The following VPS13C variants were observed in gnomAD, a reference collection of about 807,000 sequenced individuals.
VPS13C encodes the protein vacuolar protein sorting 13 homolog C, also known as intermembrane lipid transfer protein VPS13C.
A neutral mutation model predicts 456.8 loss-of-function variants in VPS13C; 358 were observed. That is an observed-to-expected ratio of 0.78 (90% CI 0.72 to 0.86). The LOEUF is 0.86. Among genes scored for constraint, VPS13C ranks in the 40% least tolerant of loss-of-function variants. The probability of loss-of-function intolerance (pLI) is 0.00; values close to 1 mark genes in which losing one functional copy is unlikely to be tolerated. For synonymous variants in VPS13C, 1,578 were observed against 1,486.7 expected, an observed-to-expected ratio of 1.06 and a Z score of -1.41; for missense variants, 4,818 against 4,385.4, an observed-to-expected ratio of 1.10 and a Z score of -2.79.
At position 61,925,354 on chromosome 15, in the gene VPS13C, T is replaced by C. The variant is rs2043813520; in HGVS notation, c.6609+102A>G. 7.1e-6 allele frequency: 4 copies of C among 565,946 alleles called. No individual in the cohort carries two copies. The South Asian group carries it at 1.3e-4, about 19-fold the overall frequency. The allele number at this position is 565,946 out of a possible 1,614,324, so 35.1% of individuals were successfully genotyped here. A position where few individuals can be genotyped will look rare whatever the true frequency, so the allele number is the denominator to read the frequency against. On this transcript the variant is annotated intron_variant, in intron 53 of 84. Coordinates refer to ENST00000644861, the MANE Select transcript of VPS13C (RefSeq NM_020821.3). ...ACTGAATATGTGACTAGCATAATGC[T>C]TGAGTTATGAGAGACATCAAAAGAT...
chr15:61,907,331 T>C lies in VPS13C; in HGVS notation c.9038A>G (p.Asp3013Gly), dbSNP rs779717979. 2.5e-6 allele frequency: 4 copies of C among 1,614,056 alleles called. No homozygotes were observed. The Admixed American group carries it at 6.7e-5, about 27-fold the overall frequency. Residue 3013 changes from aspartate to glycine, a missense_variant, in exon 66 of 85, where the codon GAT (aspartate) becomes GGT (glycine). By Grantham distance (94) the Asp-to-Gly change is moderately conservative. Around this residue, in one of 3 missense-constraint regions of VPS13C, gnomAD observed 4,552 missense variants for 4,130.6 expected, o/e 1.10. Coordinates refer to ENST00000644861, the MANE Select transcript of VPS13C (RefSeq NM_020821.3). ...TGTAAGTTTTCTGGTACCAGTAGGA[T>C]CTGCCCAGGCAAAAAGTCGAGCCTG... ...PRQARLFAWA[D>G]PTGTRKLTWT...
intron 20 of VPS13C, 186 bp downstream of exon 20, chr15:61,983,634 G>C: frequency 1.7e-6 from 1 of 576,472 alleles, no homozygotes. Flanking sequence ...AGGGAAAAAT[G>C]TATTGCATAT....
At chr15:61,990,162 T>C (rs567682157) in intron 18 of VPS13C, among the ~76,000 whole-genome samples, 1 of 152,124 alleles carries the variant, frequency 6.6e-6, no homozygotes, top group Admixed American at 6.5e-5. Context: ...ATAGAAAGAT[T>C]AAAAATATGC....
In VPS13C at chr15:62,021,434, C is replaced by T. The variant is rs569753201; in HGVS notation, c.625-896G>A. On this transcript the variant is annotated intron_variant, in intron 8 of 84. Transcript: ENST00000644861. The stretch of plus-strand genomic sequence containing the variant: ...TTTAGTCTCTATATCCAAAATCTGT[C>T]AACATTAAGTTTTTGTTGTATTTCT... 7.9e-5 allele frequency among the ~76,000 whole-genome samples: 12 copies of T among 152,036 alleles called. No individual in the cohort carries two copies. In the South Asian group the frequency reaches 2.5e-3, roughly 32 times the overall value.
rs150684345 is a variant in VPS13C at position 61,910,267 on chromosome 15, A to C, written c.8754T>G (p.Leu2918=). 7.9e-6 allele frequency: 12 copies of C among 1,527,718 alleles called. No individual in the cohort carries two copies. The highest frequency in any genetic ancestry group is 1.7e-4 in the Middle Eastern group (1 of 5,718). The allele number at this position is 1,527,718 out of a possible 1,614,324, so 94.6% of individuals were successfully genotyped here. ...CTTCACAGCCCACCACTCTCACACA[A>C]AGTTTGCCTGACAAACTTTCTGGCC... ...PFWPESLSGK[L]CVRVVGCEGS... Residue 2918 remains leucine, a synonymous_variant, in exon 64 of 85, where the codon CTT becomes CTG. Coordinates refer to ENST00000644861, the MANE Select transcript of VPS13C (RefSeq NM_020821.3).
chr15:62,046,265 T>C (rs1221378306), intron 1 of VPS13C, among the ~76,000 whole-genome samples: 1 of 151,992 alleles, frequency 6.6e-6, no homozygotes, highest in Non-Finnish European at 1.5e-5. Flanking sequence ...GTGAAAGACG[T>C]AGAGTCATAG....
At chr15:61,864,491 C>T (rs3210522) in intron 81 of VPS13C, 385,772 of 809,574 alleles carry the variant, frequency 0.48, 92,912 homozygotes, top group Admixed American at 0.59. Context: ...CATAAATATA[C>T]TGAATAAATA....
intron 45 of VPS13C, among the ~76,000 whole-genome samples, chr15:61,944,118 T>C (rs1596363692): frequency 6.6e-6 from 1 of 152,140 alleles, no homozygotes; most frequent in Admixed American, 6.5e-5. Flanking sequence ...AGAATGGCTG[T>C]TATTAAAAAG....
intron 40 of VPS13C, 115 bp from the exon 41 acceptor site, chr15:61,950,532 T>A: frequency 1.3e-6 from 1 of 788,706 alleles, no homozygotes; most frequent in South Asian, 2.0e-5. Flanking sequence ...AAAAGATATT[T>A]CCTAAAGGCA....
intron 68 of VPS13C, among the ~76,000 whole-genome samples, chr15:61,883,470 G>T (rs1896029862): frequency 6.6e-6 from 1 of 152,122 alleles, no homozygotes; most frequent in Admixed American, 6.6e-5. Context: ...TGTAACTGGT[G>T]ACAGTGCTAA....
intron 5 of VPS13C, among the ~76,000 whole-genome samples, chr15:62,030,435 G>C (rs1047842243): frequency 6.6e-6 from 1 of 151,998 alleles, no homozygotes; most frequent in East Asian, 1.9e-4. Context: ...CTTCTGCCGT[G>C]ACTGAAAGCT....
chr15:61,903,717 A>G (rs1010831926), intron 66 of VPS13C, among the ~76,000 whole-genome samples: 2 of 152,230 alleles, frequency 1.3e-5, no homozygotes, highest in Non-Finnish European at 2.9e-5. Context: ...AGCTGAACAC[A>G]TCACACTGAC....
chr15:61,908,339 A>G (rs1029465918), intron 65 of VPS13C, among the ~76,000 whole-genome samples: 6 of 151,640 alleles, frequency 4.0e-5, no homozygotes, highest in African/African-American at 1.2e-4. Context: ...TATATGCATG[A>G]ATATATACAC....
chr15:62,052,152 C>T (rs1411380729), intron 1 of VPS13C, among the ~76,000 whole-genome samples: 1 of 152,094 alleles, frequency 6.6e-6, no homozygotes. Flanking sequence ...AATGCCATGC[C>T]ATAATCCATG....
chr15:62,023,956 C>T (rs945670681), intron 6 of VPS13C, 111 bp from the exon 7 acceptor site: 2 of 806,084 alleles, frequency 2.5e-6, no homozygotes, highest in African/African-American at 1.7e-5. Flanking sequence ...TGGCACAACT[C>T]ACCTTACCTT....
intron 16 of VPS13C, among the ~76,000 whole-genome samples, chr15:61,997,582 C>T (rs2046432019): frequency 6.6e-6 from 1 of 152,140 alleles, no homozygotes; most frequent in African/African-American, 2.4e-5. Context: ...CAAGCTTGTT[C>T]TCTCCCATCT....
chr15:61,869,367 T>C, intron 80 of VPS13C, 133 bp downstream of exon 80: 9 of 1,037,802 alleles, frequency 8.7e-6, no homozygotes, highest in East Asian at 5.5e-5. Flanking sequence ...GCACTCTATG[T>C]TTTAAAGCTA....
At chr15:61,931,050 C>G (rs1487139715) in intron 50 of VPS13C, 40 bp downstream of exon 50, 2 of 1,610,482 alleles carry the variant, frequency 1.2e-6, no homozygotes, top group Non-Finnish European at 1.7e-6. Flanking sequence ...GGTGCAATGT[C>G]AACCTTAAAT....
At chr15:61,912,417 T>A (rs2043328060) in intron 62 of VPS13C, among the ~76,000 whole-genome samples, 1 of 152,184 alleles carries the variant, frequency 6.6e-6, no homozygotes, top group Admixed American at 6.5e-5. Flanking sequence ...TAGTCAAATT[T>A]AAGATTTAAG....
Sources: allele counts gnomAD v4.1 joint callset (sites outside exome capture counted in the v4.1 genomes callset), GRCh38; gene constraint gnomAD v4.1.1; regional missense constraint gnomAD v4.1.1; transcripts MANE v1.5; gene names NCBI Gene and HGNC (gene_info 2026-07-23, HGNC 2026-07-21).